Variants in UIMC1 observed in about 807,000 individuals in gnomAD.
The protein encoded by UIMC1 is BRCA1-A complex subunit RAP80.
UIMC1 carries 42 observed loss-of-function variants against 84.9 expected under a neutral mutation model. That is an observed-to-expected ratio of 0.49 (90% CI 0.39 to 0.64). The LOEUF (loss-of-function observed/expected upper bound fraction) is 0.64, where lower values mean the gene tolerates loss of function less well. UIMC1 is among the 30% of genes least tolerant of loss of function. UIMC1 has a pLI of 0.00. For synonymous variants in UIMC1, 281 were observed against 293.0 expected (o/e 0.96, Z 0.42); for missense variants, 825 against 847.6 (o/e 0.97, Z 0.33).
intron 1 of UIMC1, among the ~76,000 whole-genome samples, chr5:177,018,957 C>A (rs1331442956): frequency 6.6e-6 from 1 of 152,178 alleles, no homozygotes; most frequent in Non-Finnish European, 1.5e-5. Flanking sequence ...CGACAAAAAT[C>A]CCCTGTATCC....
chr5:176,964,175 T>C (rs942250984), intron 6 of UIMC1, among the ~76,000 whole-genome samples: 4 of 152,236 alleles, frequency 2.6e-5, no homozygotes, highest in Non-Finnish European at 4.4e-5. Context: ...CTGTGTTCAA[T>C]AGAAAATGTT....
intron 6 of UIMC1, among the ~76,000 whole-genome samples, chr5:176,966,705 G>A (rs942803782): frequency 7.2e-5 from 11 of 152,040 alleles, no homozygotes; most frequent in Non-Finnish European, 1.5e-4. Context: ...CCAAGATGAA[G>A]ATTGGTTTCA....
chr5:176,960,097 A>G lies in UIMC1; in HGVS notation c.1201-1943T>C, dbSNP rs181412678. 8.5e-4 allele frequency among the ~76,000 whole-genome samples: 129 copies of G among 152,300 alleles called. No individual in the cohort carries two copies. The East Asian group carries it at 0.012, about 15-fold the overall frequency. Reference sequence around the variant, plus strand: ...CTGTGCTAATCACTTTACATTCCTTATCTCCTTTAATTCTCACAAGCAACT... The same window carrying G: ...CTGTGCTAATCACTTTACATTCCTTGTCTCCTTTAATTCTCACAAGCAACT... On this transcript the variant is annotated intron_variant, in intron 6 of 14. Transcript: ENST00000511320.
intron 1 of UIMC1, among the ~76,000 whole-genome samples, chr5:177,021,949 G>T (rs937868895): frequency 6.6e-6 from 1 of 152,194 alleles, no homozygotes; most frequent in African/African-American, 2.4e-5. Flanking sequence ...ACCGCGCCTG[G>T]CCGGACTTTG....
intron 9 of UIMC1, among the ~76,000 whole-genome samples, chr5:176,946,300 C>G (rs1354496955): frequency 6.6e-6 from 1 of 152,106 alleles, no homozygotes; most frequent in African/African-American, 2.4e-5. Context: ...TCACAGGAGG[C>G]CAGGAGTTCA....
At chr5:176,985,773 T>G (rs1451227317) in intron 1 of UIMC1, among the ~76,000 whole-genome samples, 1 of 152,014 alleles carries the variant, frequency 6.6e-6, no homozygotes, top group Non-Finnish European at 1.5e-5. Flanking sequence ...CCTGGCTAAT[T>G]TAATTTACTT....
chr5:176,929,100 A>G (rs1762760251), intron 10 of UIMC1, among the ~76,000 whole-genome samples: 1 of 151,146 alleles, frequency 6.6e-6, no homozygotes, highest in African/African-American at 2.4e-5. Context: ...AATAATAGAA[A>G]AAAAATTAGC....
At chr5:176,911,179 A>AGAAAG (rs200799229) in intron 11 of UIMC1, 132 bp downstream of exon 11, 1 of 519,782 alleles carries the variant, frequency 1.9e-6, no homozygotes, top group Non-Finnish European at 3.2e-6. Context: ...AGAAAAGAAA[A>AGAAAG]TTCAGGCATC....
At chr5:176,923,900 G>C (rs200028730) in intron 10 of UIMC1, among the ~76,000 whole-genome samples, 36,390 of 145,408 alleles carry the variant, frequency 0.25, 4,487 homozygotes, top group Middle Eastern at 0.33. Context: ...CACACACACA[G>C]ACACACACAC....
intron 10 of UIMC1, among the ~76,000 whole-genome samples, chr5:176,921,942 C>T (rs1178760671): frequency 2.0e-5 from 3 of 152,196 alleles, no homozygotes; most frequent in Non-Finnish European, 4.4e-5. Context: ...TCCTTTCCCC[C>T]TGTCGCTCAA....
intron 1 of UIMC1, among the ~76,000 whole-genome samples, chr5:176,995,638 T>C (rs543831139): frequency 6.8e-6 from 1 of 147,762 alleles, no homozygotes; most frequent in African/African-American, 2.5e-5. Flanking sequence ...GGTGAAAAGA[T>C]CGAGACCATC....
At chr5:176,952,454 C>A (rs1766004868) in intron 8 of UIMC1, among the ~76,000 whole-genome samples, 1 of 152,156 alleles carries the variant, frequency 6.6e-6, no homozygotes, top group Admixed American at 6.5e-5. Flanking sequence ...AAACTAGATA[C>A]AGCTCATGGG....
At chr5:177,004,960 T>C (rs1279517784) in intron 1 of UIMC1, among the ~76,000 whole-genome samples, 3 of 152,164 alleles carry the variant, frequency 2.0e-5, no homozygotes, top group African/African-American at 4.8e-5. Context: ...TGGAGTGCAG[T>C]AGGGCAATCA....
At chr5:177,008,253 A>G, upstream of UIMC1, among the ~76,000 whole-genome samples, 1 of 152,070 alleles carries the variant, frequency 6.6e-6, no homozygotes, top group South Asian at 2.1e-4. Context: ...TATCTCCCCC[A>G]TGCCACCTAC....
intron 1 of UIMC1, among the ~76,000 whole-genome samples, chr5:177,014,051 T>TC (rs1229571562): frequency 1.4e-5 from 2 of 141,348 alleles, no homozygotes; most frequent in Non-Finnish European, 3.0e-5. Context: ...CCACTTTTTT[T>TC]CTTTTCTTTT....
intron 1 of UIMC1, among the ~76,000 whole-genome samples, chr5:176,997,828 GTTC>G (rs914383908): frequency 7.2e-5 from 11 of 152,020 alleles, no homozygotes; most frequent in African/African-American, 2.7e-4. Flanking sequence ...CTCTCTCACA[GTTC>G]TTAAGCCCCA....
In UIMC1 at chr5:176,958,111, G is replaced by GAGT. The variant is rs772696876; in HGVS notation, c.1241_1243dup (p.Asn414_Ser415insTyr). On this transcript the variant is annotated inframe_insertion, in exon 7 of 15. Transcript: ENST00000511320. ...CTCTCACCTTTGTGAAGCAGGTACA[G>GAGT]AGTTTCCCTCTTCAGAAGTTTCTTC... 2.5e-4 allele frequency: 406 copies of GAGT among 1,613,742 alleles called. No individual in the cohort carries two copies. The highest frequency in any genetic ancestry group is 3.4e-4 in the Non-Finnish European group (397 of 1,179,798).
intron 9 of UIMC1, among the ~76,000 whole-genome samples, chr5:176,946,809 T>C (rs773133434): frequency 3.9e-5 from 6 of 152,126 alleles, no homozygotes; most frequent in Non-Finnish European, 7.4e-5. Context: ...CACTCCAGCC[T>C]AGGCAACAGA....
intron 1 of UIMC1, among the ~76,000 whole-genome samples, chr5:176,992,332 T>C (rs1463124105): frequency 6.6e-6 from 1 of 152,040 alleles, no homozygotes; most frequent in Non-Finnish European, 1.5e-5. Flanking sequence ...AGTGTAGAAC[T>C]ATCAAGATTT....
Sources: gnomAD v4.1 joint callset for allele counts (sites outside exome capture counted in the v4.1 genomes callset) on GRCh38, gnomAD v4.1.1 for gene constraint, MANE v1.5 for transcripts, NCBI Gene and HGNC (gene_info 2026-07-23, HGNC 2026-07-21) for gene names.